Variants in GPR160 observed in about 807,000 individuals in gnomAD.
GPR160 encodes probable G protein-coupled receptor 160.
GPR160 carries 2 observed loss-of-function variants against 2.6 expected under a neutral mutation model. That is an observed-to-expected ratio of 0.77 (90% CI 0.32 to 2.44). The LOEUF (loss-of-function observed/expected upper bound fraction) is 2.44, where lower values mean the gene tolerates loss of function less well. Ranked by LOEUF, GPR160 falls within the 30% of genes most tolerant of loss-of-function variation. The probability of loss-of-function intolerance (pLI) is 0.11; values close to 1 mark genes in which losing one functional copy is unlikely to be tolerated. For synonymous variants in GPR160, 130 were observed against 132.2 expected (o/e 0.98, Z 0.12); for missense variants, 351 against 383.6 (o/e 0.91, Z 0.71).
At chr3:170,077,498 G>A (rs1372200156) in intron 2 of GPR160, 1 of 152,174 alleles carries the variant, frequency 6.6e-6, no homozygotes, top group Non-Finnish European at 1.5e-5. Context: ...GGGAGAATAA[G>A]CTGAACGCAG....
chr3:170,060,502 C>T (rs1439317474), intron 2 of GPR160, among the ~76,000 whole-genome samples: 1 of 152,178 alleles, frequency 6.6e-6, no homozygotes, highest in Non-Finnish European at 1.5e-5. Flanking sequence ...GTGGCTCATG[C>T]CTATAATCCC....
At chr3:170,053,061 A>G (rs1717027175) in intron 2 of GPR160, among the ~76,000 whole-genome samples, 1 of 148,152 alleles carries the variant, frequency 6.7e-6, no homozygotes, top group South Asian at 2.1e-4. Context: ...TCTATAATTT[A>G]TAAGTCTTGA....
rs569664498 is a variant in GPR160, at chr3:170,062,500, C to G, written c.-192-17274C>G. On this transcript the variant is annotated intron_variant, in intron 2 of 3. Coordinates refer to ENST00000355897, the MANE Select transcript of GPR160 (RefSeq NM_014373.3). Reference sequence around the variant, plus strand: ...CCAGGGGAAACCATTAGCTGGAATCCACAGGAAAAGAATGCAACACGGAGC... The same window carrying G: ...CCAGGGGAAACCATTAGCTGGAATCGACAGGAAAAGAATGCAACACGGAGC... 90 of 617,926 alleles carry G rather than the reference C, an allele frequency of 1.5e-4. 2 individuals carry two copies. Among genetic ancestry groups the G allele is most frequent in the South Asian group, 1.4e-3 (82 of 58,770 alleles). The allele number at this position is 617,926 out of a possible 1,614,324, so 38.3% of individuals were successfully genotyped here.
intron 2 of GPR160, among the ~76,000 whole-genome samples, chr3:170,064,761 G>T (rs1048678984): frequency 2.6e-5 from 4 of 151,844 alleles, no homozygotes; most frequent in Non-Finnish European, 5.9e-5. Flanking sequence ...CTCGTCATCC[G>T]CCCGCCTCGG....
rs1713267892 is a variant in GPR160 at position 170,083,924 on chromosome 3, GT to G, written c.-45del. On this transcript the variant is annotated 5_prime_UTR_variant, in exon 4 of 4. It removes the in-frame stop codon of an upstream open reading frame in the 5' UTR. Transcript: ENST00000355897. ...TTGCAGGGACAGAAAATGAAGCAGTGTTTTATCATGTGTATTTCAGCAGGTC... is the reference window on the plus strand; with the variant it reads ...TTGCAGGGACAGAAAATGAAGCAGTGTTTATCATGTGTATTTCAGCAGGTC... 2.8e-6 allele frequency: 3 copies of G among 1,068,566 alleles called. No homozygotes were observed. Among genetic ancestry groups the G allele is most frequent in the Non-Finnish European group, 3.9e-6 (3 of 771,534 alleles). 66.2% of individuals were successfully genotyped at this position (1,068,566 alleles called of 1,614,324 possible). A position where few individuals can be genotyped will look rare whatever the true frequency, so the allele number is the denominator to read the frequency against.
rs1175382810 is a variant in GPR160, at chr3:170,064,514, C to CTTTTTTT, written c.-192-15244_-192-15238dup. On this transcript the variant is annotated intron_variant, in intron 2 of 3. Transcript: ENST00000355897. ...GGGACCCATTCTTTTCTTTTCTTTT[C>CTTTTTTT]TTTTTTTTTTTTTTTTTTTTTTGAG... 4.4e-3 allele frequency among the ~76,000 whole-genome samples: 353 copies of CTTTTTTT among 81,006 alleles called. 2 individuals are homozygous for CTTTTTTT. Among genetic ancestry groups the CTTTTTTT allele is most frequent in the Middle Eastern group, 9.4e-3 (1 of 106 alleles). The allele number at this position is 81,006 out of a possible 152,430, so 53.1% of individuals were successfully genotyped here.
intron 3 of GPR160, among the ~76,000 whole-genome samples, chr3:170,082,192 G>A (rs1478769446): frequency 6.6e-6 from 1 of 152,112 alleles, no homozygotes; most frequent in East Asian, 1.9e-4. Flanking sequence ...TCCTATGCAT[G>A]TATTTCTTAC....
chr3:170,064,760 C>T (rs1387773918), intron 2 of GPR160, among the ~76,000 whole-genome samples: 1 of 151,986 alleles, frequency 6.6e-6, no homozygotes, highest in African/African-American at 2.4e-5. Flanking sequence ...TCTCGTCATC[C>T]GCCCGCCTCG....
chr3:170,074,672 G>A (rs549895212), intron 2 of GPR160, among the ~76,000 whole-genome samples: 1 of 151,994 alleles, frequency 6.6e-6, no homozygotes, highest in South Asian at 2.1e-4. Context: ...TGATAGAGAT[G>A]AGGTTTTGCC....
At chr3:170,082,877 G>C (rs904893806) in intron 3 of GPR160, among the ~76,000 whole-genome samples, 4 of 151,652 alleles carry the variant, frequency 2.6e-5, no homozygotes, top group Non-Finnish European at 5.9e-5. Flanking sequence ...TTTCAGGCAA[G>C]AGCCACCACA....
chr3:170,074,799 T>G (rs2108342915), intron 2 of GPR160, among the ~76,000 whole-genome samples: 1 of 152,260 alleles, frequency 6.6e-6, no homozygotes, highest in South Asian at 2.1e-4. Flanking sequence ...TTGTTTGTTT[T>G]AATTTCATTG....
intron 2 of GPR160, among the ~76,000 whole-genome samples, chr3:170,075,486 G>T (rs560727034): frequency 6.6e-6 from 1 of 152,268 alleles, no homozygotes; most frequent in South Asian, 2.1e-4. Flanking sequence ...TGCAACAAAG[G>T]TTTATTTCTT....
At chr3:170,043,028 C>CCCA (rs1055783102) in intron 2 of GPR160, among the ~76,000 whole-genome samples, 1 of 151,334 alleles carries the variant, frequency 6.6e-6, no homozygotes, top group African/African-American at 2.4e-5. Context: ...ACTACAGGTG[C>CCCA]CCACCACCAC....
chr3:170,076,886 T>C (rs1461785550), intron 2 of GPR160, among the ~76,000 whole-genome samples: 1 of 152,198 alleles, frequency 6.6e-6, no homozygotes, highest in Admixed American at 6.5e-5. Flanking sequence ...GGTCCTTTTC[T>C]ACATTTCCAG....
intron 2 of GPR160, among the ~76,000 whole-genome samples, chr3:170,068,880 ATTTATAAG>A (rs1410511603): frequency 6.6e-6 from 1 of 152,170 alleles, no homozygotes; most frequent in Non-Finnish European, 1.5e-5. Flanking sequence ...GTCCAGTCAT[ATTTATAAG>A]TAGGGCAGTA....
chr3:170,061,260 G>A (rs1234680872), intron 2 of GPR160, among the ~76,000 whole-genome samples: 2 of 149,234 alleles, frequency 1.3e-5, no homozygotes, highest in Non-Finnish European at 3.0e-5. Context: ...GGGTGACAGA[G>A]TGAGACTCTG....
At chr3:170,074,934 A>G (rs1712778384) in intron 2 of GPR160, among the ~76,000 whole-genome samples, 1 of 152,104 alleles carries the variant, frequency 6.6e-6, no homozygotes, top group Non-Finnish European at 1.5e-5. Context: ...ATATAAGAAT[A>G]TCAGAAGAGG....
In GPR160 at chr3:170,065,991, A is replaced by G. The variant is rs567082606; in HGVS notation, c.-192-13783A>G. Among the ~76,000 whole-genome samples the G allele has an allele frequency of 4.6e-5, 7 of 152,124 alleles. No individual in the cohort carries two copies. In the East Asian group the frequency reaches 1.4e-3, roughly 29 times the overall value. ...AGACTATACTCAAACTACTGGGTTC[A>G]AGCAATCCTCCTGCCTCAGCCTCCT... On this transcript the variant is annotated intron_variant, in intron 2 of 3. Coordinates refer to ENST00000355897, the MANE Select transcript of GPR160 (RefSeq NM_014373.3).
chr3:170,043,692 G>A (rs1189260036), intron 2 of GPR160, among the ~76,000 whole-genome samples: 1 of 152,136 alleles, frequency 6.6e-6, no homozygotes, highest in Non-Finnish European at 1.5e-5. Flanking sequence ...CAAGAATTGG[G>A]TAGTCTAGGC....
Sources: gnomAD v4.1 joint callset for allele counts (sites outside exome capture counted in the v4.1 genomes callset) on GRCh38, gnomAD v4.1.1 for gene constraint, MANE v1.5 for transcripts, NCBI Gene and HGNC (gene_info 2026-07-23, HGNC 2026-07-21) for gene names.